PUM2: variants seen among roughly 807,000 people sequenced by gnomAD.
PUM2 encodes pumilio homolog 2.
PUM2 carries 57 observed loss-of-function variants against 124.5 expected under a neutral mutation model. The ratio of observed to expected loss-of-function variants is 0.46; its 90% confidence interval spans 0.37 to 0.57. PUM2 has a LOEUF of 0.57. PUM2 is among the 20% of genes least tolerant of loss of function. PUM2 has a pLI of 0.00. For missense variants in PUM2, 1,065 were observed against 1,290.6 expected, an observed-to-expected ratio of 0.83 and a Z score of 2.68; for synonymous variants, 460 against 446.1, an observed-to-expected ratio of 1.03 and a Z score of -0.39.
intron 2 of PUM2, among the ~76,000 whole-genome samples, chr2:20,321,646 G>C (rs1682398807): frequency 6.6e-6 from 1 of 151,930 alleles, no homozygotes; most frequent in Admixed American, 6.6e-5. Flanking sequence ...GAAAAAAAAA[G>C]GTTAAACAAT....
intron 1 of PUM2, among the ~76,000 whole-genome samples, chr2:20,347,607 T>C (rs549300158): frequency 3.3e-5 from 5 of 152,350 alleles, no homozygotes; most frequent in African/African-American, 1.2e-4. Flanking sequence ...TATTAAAATA[T>C]TAGCTCCTAA....
chr2:20,281,620 G>C (rs369455297), intron 12 of PUM2, among the ~76,000 whole-genome samples: 2 of 152,154 alleles, frequency 1.3e-5, no homozygotes, highest in Admixed American at 6.5e-5. Flanking sequence ...TTAGAAACAA[G>C]GAATGAGTCC....
chr2:20,308,825 A>G (rs571660348), intron 5 of PUM2, among the ~76,000 whole-genome samples: 62 of 152,302 alleles, frequency 4.1e-4, no homozygotes, highest in Non-Finnish European at 7.6e-4. Flanking sequence ...TGAATAACAT[A>G]AAGATATAAT....
chr2:20,275,211 A>G (rs1669967297), intron 13 of PUM2, among the ~76,000 whole-genome samples: 2 of 152,092 alleles, frequency 1.3e-5, no homozygotes, highest in South Asian at 4.1e-4. Context: ...GGGCCAAAGA[A>G]GGTGTAATTT....
intron 4 of PUM2, 141 bp downstream of exon 4, chr2:20,312,095 C>T (rs773613157): frequency 4.3e-4 from 314 of 727,382 alleles, no homozygotes; most frequent in Non-Finnish European, 6.1e-4. Context: ...AGTGGCTAAG[C>T]AGAAGAATAG....
At chr2:20,267,978 C>CAAGGATGCAGAATCTGTGGAGAT (rs1434209172) in intron 13 of PUM2, among the ~76,000 whole-genome samples, 2 of 152,158 alleles carry the variant, frequency 1.3e-5, no homozygotes, top group Admixed American at 6.5e-5. Flanking sequence ...CACCTTTATC[C>CAAGGATGCAGAATCTGTGGAGAT]AAGGATGCAG....
At chr2:20,266,465 C>CAA (rs1667677731) in intron 13 of PUM2, among the ~76,000 whole-genome samples, 1 of 141,882 alleles carries the variant, frequency 7.0e-6, no homozygotes, top group African/African-American at 2.6e-5. Flanking sequence ...CAAAACAAAA[C>CAA]AACAACAACA....
intron 1 of PUM2, among the ~76,000 whole-genome samples, chr2:20,340,902 TC>T (rs1687094698): frequency 6.6e-6 from 1 of 152,292 alleles, no homozygotes; most frequent in African/African-American, 2.4e-5. Context: ...CAACAATGCC[TC>T]CCTCATAGGG....
rs115448688 is a variant in PUM2 at position 20,349,026 on chromosome 2, T to A, written c.-19+1571A>T. 2.1e-3 allele frequency among the ~76,000 whole-genome samples: 316 copies of A among 152,364 alleles called. 2 individuals are homozygous for A. The highest frequency in any genetic ancestry group is 0.012 in the South Asian group (56 of 4,828). On this transcript the variant is annotated intron_variant, in intron 1 of 20. Transcript: ENST00000361078. ...ATTTATATACAGTATTTGTAATGCC[T>A]GAGAATTTATTCTAAAGTGACAGCT... is the stretch of plus-strand genomic sequence containing the variant.
chr2:20,281,861 C>A (rs1671605385), intron 12 of PUM2, among the ~76,000 whole-genome samples: 1 of 152,154 alleles, frequency 6.6e-6, no homozygotes, highest in Admixed American at 6.5e-5. Context: ...TGTGGCTGTT[C>A]TAGACCATCC....
chr2:20,283,552 T>C (rs1295101439), intron 10 of PUM2, 66 bp from the exon 11 acceptor site: 20 of 1,483,698 alleles, frequency 1.3e-5, no homozygotes, highest in Non-Finnish European at 1.7e-5. Flanking sequence ...TGTTTTTCCC[T>C]GCATTTGTAT....
chr2:20,342,139 A>G lies in PUM2; in HGVS notation c.-19+8458T>C, dbSNP rs897749001. On this transcript the variant is annotated intron_variant, in intron 1 of 20. Transcript: ENST00000361078. ...GTGAGACTCTGTCTCAAAAAAAAAAAAAAAAGAAAGAAAAAGAAATGTTAA... is the reference window on the plus strand; with the variant it reads ...GTGAGACTCTGTCTCAAAAAAAAAAGAAAAAGAAAGAAAAAGAAATGTTAA... Among the ~76,000 whole-genome samples, 3 of 151,884 alleles carry G rather than the reference A, an allele frequency of 2.0e-5. No homozygotes were observed. The East Asian group carries it at 5.8e-4, about 29-fold the overall frequency.
intron 1 of PUM2, among the ~76,000 whole-genome samples, chr2:20,337,948 A>G (rs540614375): frequency 1.3e-5 from 2 of 152,298 alleles, no homozygotes; most frequent in East Asian, 3.9e-4. Flanking sequence ...ATACTGCATC[A>G]TTACTTTGCA....
At chr2:20,343,399 A>G (rs1687607572) in intron 1 of PUM2, among the ~76,000 whole-genome samples, 1 of 152,146 alleles carries the variant, frequency 6.6e-6, no homozygotes, top group Non-Finnish European at 1.5e-5. Context: ...AGCCTGGATG[A>G]CAGAGACCCT....
intron 2 of PUM2, among the ~76,000 whole-genome samples, chr2:20,320,702 G>T (rs879550605): frequency 9.2e-5 from 14 of 152,000 alleles, no homozygotes; most frequent in Admixed American, 8.5e-4. Flanking sequence ...AAAGATCCCA[G>T]TAAGTAAACT....
intron 7 of PUM2, among the ~76,000 whole-genome samples, chr2:20,298,971 G>A (rs1178948567): frequency 6.6e-6 from 1 of 152,190 alleles, no homozygotes; most frequent in Non-Finnish European, 1.5e-5. Context: ...GGAGGGCATG[G>A]AAGCTCCGCA....
intron 2 of PUM2, among the ~76,000 whole-genome samples, chr2:20,321,288 A>T (rs1010899480): frequency 1.3e-5 from 2 of 152,188 alleles, no homozygotes; most frequent in Admixed American, 1.3e-4. Context: ...TCTGTCTCAA[A>T]AAAAGAAAAA....
rs549958831 is a variant in PUM2 at position 20,340,793 on chromosome 2, G to A, written c.-19+9804C>T. On this transcript the variant is annotated intron_variant, in intron 1 of 20. Coordinates refer to ENST00000361078, the MANE Select transcript of PUM2 (RefSeq NM_015317.5). ...TTTTGTTAGTATCAGTCATCATGGT[G>A]TAACAGAAATCAGAATCAAAAGACC... 2.0e-5 allele frequency among the ~76,000 whole-genome samples: 3 copies of A among 152,294 alleles called. No homozygotes were observed. In the South Asian group the frequency reaches 6.2e-4, roughly 32 times the overall value.
At chr2:20,291,581 T>C (rs941256542) in intron 9 of PUM2, among the ~76,000 whole-genome samples, 1 of 152,214 alleles carries the variant, frequency 6.6e-6, no homozygotes, top group South Asian at 2.1e-4. Context: ...ACTTCCATTT[T>C]TTCTTCTTTT....
Sources: gnomAD v4.1 joint callset for allele counts (sites outside exome capture counted in the v4.1 genomes callset) on GRCh38, gnomAD v4.1.1 for gene constraint, MANE v1.5 for transcripts, NCBI Gene and HGNC (gene_info 2026-07-23, HGNC 2026-07-21) for gene names.